Variants in CNTNAP5 observed in about 807,000 individuals in gnomAD.
CNTNAP5 encodes the protein contactin-associated protein-like 5.
CNTNAP5 carries 72 observed loss-of-function variants against 150.2 expected under a neutral mutation model. That is an observed-to-expected ratio of 0.48 (90% CI 0.40 to 0.58). The LOEUF (loss-of-function observed/expected upper bound fraction) is 0.58, where lower values mean the gene tolerates loss of function less well. Among genes scored for constraint, CNTNAP5 ranks in the 20% least tolerant of loss-of-function variants. CNTNAP5 has a pLI of 0.00. For missense variants in CNTNAP5, 1,636 were observed against 1,626.2 expected, an observed-to-expected ratio of 1.01 and a Z score of -0.10; for synonymous variants, 672 against 619.8, an observed-to-expected ratio of 1.08 and a Z score of -1.25.
chr2:124,204,401 C>A (rs1182624982), intron 1 of CNTNAP5, among the ~76,000 whole-genome samples: 1 of 152,186 alleles, frequency 6.6e-6, no homozygotes, highest in African/African-American at 2.4e-5. Context: ...ATTTTCCTAT[C>A]TTCTTCTGAG....
At chr2:124,628,098 T>C (rs1050887358) in intron 12 of CNTNAP5, among the ~76,000 whole-genome samples, 9 of 152,194 alleles carry the variant, frequency 5.9e-5, no homozygotes, top group Non-Finnish European at 1.0e-4. Context: ...GATTGGAGTA[T>C]CTTTAAGAGA....
At chr2:124,341,087 C>A (rs1027152536) in intron 3 of CNTNAP5, among the ~76,000 whole-genome samples, 3 of 151,328 alleles carry the variant, frequency 2.0e-5, no homozygotes, top group Non-Finnish European at 4.4e-5. Flanking sequence ...CACACACACA[C>A]AAAAAGAATC....
chr2:124,592,375 A>ATGTGTGTGTG (rs10675321), intron 11 of CNTNAP5, among the ~76,000 whole-genome samples: 31 of 149,836 alleles, frequency 2.1e-4, no homozygotes, highest in African/African-American at 7.1e-4. Flanking sequence ...GTATATATAT[A>ATGTGTGTGTG]TGTGTGTGTG....
At chr2:124,588,976 T>C (rs1028335310) in intron 11 of CNTNAP5, among the ~76,000 whole-genome samples, 3 of 152,282 alleles carry the variant, frequency 2.0e-5, no homozygotes, top group Admixed American at 2.0e-4. Context: ...AAACATCTTT[T>C]GGGACCTGAC....
chr2:124,646,538 C>T (rs747927086), intron 12 of CNTNAP5, among the ~76,000 whole-genome samples: 20 of 152,150 alleles, frequency 1.3e-4, no homozygotes, highest in South Asian at 6.2e-4. Flanking sequence ...TGTAATTATG[C>T]GGGCAAGATT....
At chr2:124,654,326 G>A (rs1678394819) in intron 13 of CNTNAP5, among the ~76,000 whole-genome samples, 1 of 152,174 alleles carries the variant, frequency 6.6e-6, no homozygotes, top group Non-Finnish European at 1.5e-5. Flanking sequence ...GTCAGTTTAT[G>A]TAAGTCAGGC....
At chr2:124,362,114 A>T (rs1036193795) in intron 3 of CNTNAP5, among the ~76,000 whole-genome samples, 1 of 152,094 alleles carries the variant, frequency 6.6e-6, no homozygotes, top group Non-Finnish European at 1.5e-5. Flanking sequence ...CGGAAAGGGA[A>T]CTCCCTGACC....
At chr2:124,574,146 A>G (rs1696224249) in intron 11 of CNTNAP5, among the ~76,000 whole-genome samples, 1 of 152,158 alleles carries the variant, frequency 6.6e-6, no homozygotes, top group East Asian at 1.9e-4. Flanking sequence ...CATCAGTAGA[A>G]AAACCAAGAG....
chr2:124,267,251 G>C (rs1687632486), intron 3 of CNTNAP5, among the ~76,000 whole-genome samples: 1 of 152,176 alleles, frequency 6.6e-6, no homozygotes, highest in Non-Finnish European at 1.5e-5. Flanking sequence ...CTTGAACGGA[G>C]TGGATACTGC....
intron 2 of CNTNAP5, among the ~76,000 whole-genome samples, chr2:124,238,648 A>G (rs1686810017): frequency 6.6e-6 from 1 of 152,206 alleles, no homozygotes; most frequent in Non-Finnish European, 1.5e-5. Context: ...TGTAGTTAAT[A>G]GCCATTGATA....
rs1262795819 is a variant in CNTNAP5 at position 124,772,948 on chromosome 2, C to T, written c.2683C>T (p.Pro895Ser). The change falls in exon 17 of 24, where the codon CCA (proline) becomes TCA (serine). Residue 895 changes from proline (P) to serine (S), a missense_variant. Transcript: ENST00000682447. ...GACCTCCCTGCAGGTGGACAACCTT[C>T]CAAGGAGCACCAGGGAGACGTCGGA... ...KETSLQVDNL[P>S]RSTRETSEEG... The T allele has an allele frequency of 3.7e-6, 6 of 1,613,612 alleles. No homozygotes were observed. The African/African-American group carries it at 6.7e-5, about 18-fold the overall frequency.
chr2:124,442,231 T>C (rs1228240208), intron 5 of CNTNAP5, among the ~76,000 whole-genome samples: 1 of 152,112 alleles, frequency 6.6e-6, no homozygotes, highest in Non-Finnish European at 1.5e-5. Context: ...CTTCCCGCAG[T>C]GGAGATGTTC....
intron 19 of CNTNAP5, among the ~76,000 whole-genome samples, chr2:124,835,568 A>AT (rs1682812722): frequency 6.6e-6 from 1 of 152,104 alleles, no homozygotes; most frequent in Non-Finnish European, 1.5e-5. Flanking sequence ...CGTGGTATTA[A>AT]TGAAGTCTGA....
rs185170157 is a variant in CNTNAP5, at chr2:124,911,109, C to T, written c.3656-358C>T. 1.1e-3 allele frequency among the ~76,000 whole-genome samples: 162 copies of T among 151,760 alleles called. 1 individual carries two copies. Among genetic ancestry groups the T allele is most frequent in the Admixed American group, 4.1e-3 (62 of 15,212 alleles). On this transcript the variant is annotated intron_variant, in intron 22 of 23. Transcript: ENST00000682447. ...AGGATCCTTTTGCATCTGAAGAAAA[C>T]TCTCAAGCAGAGCAGGGCATCATGC... is the stretch of plus-strand genomic sequence containing the variant.
At position 124,264,428 on chromosome 2, in the gene CNTNAP5, ACAC is replaced by A. The variant is rs1413714409; in HGVS notation, c.381+22036_381+22038del. 2.6e-3 allele frequency among the ~76,000 whole-genome samples: 362 copies of A among 138,500 alleles called. 1 individual carries two copies. Among genetic ancestry groups the A allele is most frequent in the Admixed American group, 0.01 (139 of 13,478 alleles). The allele number at this position is 138,500 out of a possible 152,430, so 90.9% of individuals were successfully genotyped here. A position where few individuals can be genotyped will look rare whatever the true frequency, so the allele number is the denominator to read the frequency against. ...CACACACACACACACACACACACACACACACCAATCGCCATGGCTAATATCAAG... is the reference window on the plus strand; with the variant it reads ...CACACACACACACACACACACACACAACCAATCGCCATGGCTAATATCAAG... On this transcript the variant is annotated intron_variant, in intron 3 of 23. Transcript: ENST00000682447.
At chr2:124,423,854 C>T (rs1407387603) in intron 4 of CNTNAP5, among the ~76,000 whole-genome samples, 3 of 144,548 alleles carry the variant, frequency 2.1e-5, no homozygotes, top group Non-Finnish European at 3.0e-5. Flanking sequence ...TTAGTAGAGA[C>T]GGGGTTTCAC....
At chr2:124,713,969 C>T (rs1444257473) in intron 13 of CNTNAP5, among the ~76,000 whole-genome samples, 2 of 152,074 alleles carry the variant, frequency 1.3e-5, no homozygotes, top group Non-Finnish European at 2.9e-5. Flanking sequence ...TACCATATTC[C>T]CCCATACTCT....
Position 124,522,841 on chromosome 2 carries a change from C to G in CNTNAP5, c.1328-1462C>G, listed in dbSNP as rs1158707690. ...GCTCCAAGAATTACAAACTCTTGCT[C>G]ACTTTCCACGACTCCCCTTAACTGT... On this transcript the variant is annotated intron_variant, in intron 8 of 23. Transcript: ENST00000682447. Among the ~76,000 whole-genome samples the G allele has an allele frequency of 3.3e-5, 5 of 152,192 alleles. 1 individual carries two copies. Among genetic ancestry groups the G allele is most frequent in the Non-Finnish European group, 4.4e-5 (3 of 68,030 alleles).
chr2:124,427,420 T>A (rs1480800292), intron 4 of CNTNAP5, among the ~76,000 whole-genome samples: 1 of 152,102 alleles, frequency 6.6e-6, no homozygotes, highest in East Asian at 1.9e-4. Flanking sequence ...CAGGGTCACA[T>A]TGAAACCCAT....
Sources: gnomAD v4.1 joint callset for allele counts (sites outside exome capture counted in the v4.1 genomes callset) on GRCh38, gnomAD v4.1.1 for gene constraint, MANE v1.5 for transcripts, NCBI Gene and HGNC (gene_info 2026-07-23, HGNC 2026-07-21) for gene names.